Variants in MAN2A1 observed in about 807,000 individuals in gnomAD.
MAN2A1 encodes the protein mannosidase alpha class 2A member 1, also known as alpha-mannosidase 2.
In MAN2A1, 76 loss-of-function variants were observed where a neutral mutation model predicts 142.6. The observed-to-expected ratio is 0.53, with a 90% CI of 0.44 to 0.65. The LOEUF is 0.65. Among genes scored for constraint, MAN2A1 ranks in the 30% least tolerant of loss-of-function variants. MAN2A1 has a pLI of 0.00. For synonymous variants in MAN2A1, 559 were observed against 473.2 expected, an observed-to-expected ratio of 1.18 and a Z score of -2.35; for missense variants, 1,311 against 1,365.1, an observed-to-expected ratio of 0.96 and a Z score of 0.62.
chr5:109,846,055 C>T, intron 18 of MAN2A1, 49 bp downstream of exon 18: 1 of 1,511,686 alleles, frequency 6.6e-7, no homozygotes, highest in South Asian at 1.3e-5. Flanking sequence ...TCAATTCCAA[C>T]TGTATACTTT....
intron 12 of MAN2A1, among the ~76,000 whole-genome samples, chr5:109,805,959 A>G (rs947707520): frequency 1.3e-5 from 2 of 152,204 alleles, no homozygotes; most frequent in African/African-American, 2.4e-5. Flanking sequence ...GAAATTCAGA[A>G]CTGGGTAGTG....
intron 7 of MAN2A1, among the ~76,000 whole-genome samples, chr5:109,772,828 TC>T (rs1262515555): frequency 6.6e-6 from 1 of 152,050 alleles, no homozygotes; most frequent in Non-Finnish European, 1.5e-5. Context: ...TTTGTTAACG[TC>T]CCAAAGAAAA....
chr5:109,772,161 G>A (rs367675702), intron 7 of MAN2A1, among the ~76,000 whole-genome samples: 2 of 152,110 alleles, frequency 1.3e-5, no homozygotes, highest in East Asian at 1.9e-4. Context: ...TTGGGAGGCC[G>A]AGGCAGGCGG....
At chr5:109,822,895 T>C (rs1754664966) in intron 15 of MAN2A1, among the ~76,000 whole-genome samples, 1 of 152,086 alleles carries the variant, frequency 6.6e-6, no homozygotes, top group Non-Finnish European at 1.5e-5. Context: ...GCCAGGATGG[T>C]CTCGATCTCC....
intron 16 of MAN2A1, among the ~76,000 whole-genome samples, chr5:109,828,267 G>A (rs892344473): frequency 6.6e-6 from 1 of 152,048 alleles, no homozygotes; most frequent in African/African-American, 2.4e-5. Context: ...GTTGAGGGAG[G>A]TGGGAATTAA....
chr5:109,700,520 C>T (rs561607963), intron 1 of MAN2A1, among the ~76,000 whole-genome samples: 8 of 152,012 alleles, frequency 5.3e-5, no homozygotes, highest in Non-Finnish European at 8.8e-5. Flanking sequence ...TGTAGAGCAT[C>T]GGAACATTGA....
intron 17 of MAN2A1, among the ~76,000 whole-genome samples, chr5:109,843,293 C>T (rs1183342348): frequency 1.3e-5 from 2 of 152,162 alleles, no homozygotes; most frequent in South Asian, 2.1e-4. Flanking sequence ...GAGAGAAAAG[C>T]CCAGGGGAAC....
chr5:109,711,854 C>T (rs962089007), intron 1 of MAN2A1, among the ~76,000 whole-genome samples: 1 of 152,004 alleles, frequency 6.6e-6, no homozygotes. Flanking sequence ...GACTTATCAC[C>T]CCACCCCATC....
In MAN2A1 at chr5:109,778,969, T is replaced by G. The variant is rs1264815421; in HGVS notation, c.1375-2427T>G. ...AATTTTTGTAATTTTTCTTATGTGT[T>G]GTCCTGATAGAATTCTTACATTTAA... On this transcript the variant is annotated intron_variant, in intron 8 of 21. Coordinates refer to ENST00000261483, the MANE Select transcript of MAN2A1 (RefSeq NM_002372.4). Among the ~76,000 whole-genome samples the G allele has an allele frequency of 2.0e-5, 3 of 152,204 alleles. No individual in the cohort carries two copies. In the East Asian group the frequency reaches 5.8e-4, roughly 29 times the overall value.
chr5:109,842,198 T>C (rs1004512644), intron 16 of MAN2A1, 130 bp from the exon 17 acceptor site: 9 of 549,856 alleles, frequency 1.6e-5, no homozygotes, highest in Admixed American at 7.7e-5. Flanking sequence ...ATTTATTATA[T>C]GAGAGATGTT....
chr5:109,811,407 T>C, intron 12 of MAN2A1, among the ~76,000 whole-genome samples: 1 of 152,174 alleles, frequency 6.6e-6, no homozygotes, highest in Non-Finnish European at 1.5e-5. Flanking sequence ...GCTTTTGCAT[T>C]ATTTTAGTTT....
intron 3 of MAN2A1, among the ~76,000 whole-genome samples, chr5:109,722,814 A>C (rs775218020): frequency 1.3e-5 from 2 of 152,148 alleles, no homozygotes; most frequent in Non-Finnish European, 2.9e-5. Context: ...CCTAAGAGTA[A>C]CCCACCAAAG....
chr5:109,833,068 C>G (rs865983033), intron 16 of MAN2A1, among the ~76,000 whole-genome samples: 1 of 149,166 alleles, frequency 6.7e-6, no homozygotes, highest in South Asian at 2.1e-4. Flanking sequence ...ACATCTCAGA[C>G]GATGGGTGGC....
At chr5:109,785,030 A>G (rs1753561188) in intron 10 of MAN2A1, 104 bp downstream of exon 10, 2 of 724,574 alleles carry the variant, frequency 2.8e-6, no homozygotes, top group African/African-American at 3.6e-5. Flanking sequence ...AACCACATTA[A>G]CAATGATATC....
intron 20 of MAN2A1, among the ~76,000 whole-genome samples, chr5:109,857,951 T>C (rs1755665267): frequency 6.6e-6 from 1 of 152,198 alleles, no homozygotes; most frequent in Non-Finnish European, 1.5e-5. Flanking sequence ...GTGTCAGGTC[T>C]TTTGCTAAAA....
intron 16 of MAN2A1, chr5:109,840,417 C>T (rs1580306862): frequency 6.9e-6 from 3 of 436,290 alleles, no homozygotes; most frequent in African/African-American, 6.3e-5. Flanking sequence ...CCTACAGGTG[C>T]ATTTCTACCA....
intron 4 of MAN2A1, among the ~76,000 whole-genome samples, chr5:109,753,469 CT>C (rs1267021593): frequency 2.0e-4 from 31 of 152,140 alleles, no homozygotes; most frequent in Admixed American, 2.0e-3. Context: ...TATTGTGTTT[CT>C]TTAGACATTC....
rs545033660 is a variant in MAN2A1 at position 109,844,146 on chromosome 5, G to A, written c.2700+1685G>A. ...ATTTTCTTAAAATTATACAAAACCA[G>A]TTATTTGTATTTTTGGGTGTAGACA... On this transcript the variant is annotated intron_variant, in intron 17 of 21. Coordinates refer to ENST00000261483, the MANE Select transcript of MAN2A1 (RefSeq NM_002372.4). Among the ~76,000 whole-genome samples the A allele has an allele frequency of 4.6e-5, 7 of 152,172 alleles. No individual in the cohort carries two copies. In the East Asian group the frequency reaches 1.3e-3, roughly 29 times the overall value.
At chr5:109,691,269 C>G (rs887607549) in intron 1 of MAN2A1, among the ~76,000 whole-genome samples, 1 of 152,146 alleles carries the variant, frequency 6.6e-6, no homozygotes, top group African/African-American at 2.4e-5. Context: ...CATCCAAAGT[C>G]TTATTTAAAG....
Sources: gnomAD v4.1 joint callset for allele counts (sites outside exome capture counted in the v4.1 genomes callset) on GRCh38, gnomAD v4.1.1 for gene constraint, MANE v1.5 for transcripts, NCBI Gene and HGNC (gene_info 2026-07-23, HGNC 2026-07-21) for gene names.